The following CFAP299 variants were observed in gnomAD, a reference collection of about 807,000 sequenced individuals.
CFAP299 encodes the protein cilia and flagella associated protein 299.
CFAP299 carries 21 observed loss-of-function variants against 27.0 expected under a neutral mutation model. The ratio of observed to expected loss-of-function variants is 0.78; its 90% confidence interval spans 0.55 to 1.12. The LOEUF (loss-of-function observed/expected upper bound fraction) is 1.12, where lower values mean the gene tolerates loss of function less well. CFAP299 is among the 50% of genes most tolerant of loss of function. CFAP299 has a pLI of 0.00. For synonymous variants in CFAP299, 104 were observed against 98.1 expected (o/e 1.06, Z -0.36); for missense variants, 310 against 276.6 (o/e 1.12, Z -0.86).
At chr4:80,898,051 C>T (rs1252471341) in intron 4 of CFAP299, among the ~76,000 whole-genome samples, 4 of 152,236 alleles carry the variant, frequency 2.6e-5, no homozygotes, top group East Asian at 1.9e-4. Context: ...GTGCCCAGAA[C>T]CCCTGAAGCT....
intron 2 of CFAP299, among the ~76,000 whole-genome samples, chr4:80,418,349 T>C (rs1047151098): frequency 6.6e-6 from 1 of 151,938 alleles, no homozygotes; most frequent in Non-Finnish European, 1.5e-5. Flanking sequence ...TTTCTTTTTT[T>C]AAAAAAAAGT....
At chr4:80,746,320 TA>T (rs1724587354) in intron 3 of CFAP299, among the ~76,000 whole-genome samples, 1 of 152,094 alleles carries the variant, frequency 6.6e-6, no homozygotes, top group South Asian at 2.1e-4. Context: ...AGTAGCTTTT[TA>T]AAACTATTAT....
At chr4:80,400,885 A>C (rs182342278) in intron 2 of CFAP299, among the ~76,000 whole-genome samples, 6 of 152,344 alleles carry the variant, frequency 3.9e-5, no homozygotes, top group Non-Finnish European at 7.3e-5. Context: ...GCTGACAGTG[A>C]TATAGACAAT....
chr4:80,895,258 G>A (rs75287146), intron 4 of CFAP299, among the ~76,000 whole-genome samples: 7,324 of 151,706 alleles, frequency 0.048, 539 homozygotes, highest in African/African-American at 0.15. Flanking sequence ...ATCATTTCAC[G>A]TGTATACATA....
chr4:80,500,747 T>C (rs1477852869), intron 2 of CFAP299, among the ~76,000 whole-genome samples: 1 of 152,120 alleles, frequency 6.6e-6, no homozygotes, highest in African/African-American at 2.4e-5. Context: ...CAAGTCTGTT[T>C]CCGATGCTCA....
chr4:80,486,526 A>G (rs909352857), intron 2 of CFAP299, among the ~76,000 whole-genome samples: 3 of 152,184 alleles, frequency 2.0e-5, no homozygotes, highest in Non-Finnish European at 4.4e-5. Context: ...AAATAGCCCA[A>G]ACATTCTTCT....
chr4:80,595,279 T>C (rs1737004855), intron 3 of CFAP299, among the ~76,000 whole-genome samples: 1 of 139,416 alleles, frequency 7.2e-6, no homozygotes, highest in South Asian at 2.1e-4. Flanking sequence ...AGCACAGATA[T>C]ATTTCCCCCT....
chr4:80,771,993 G>C (rs920888764), intron 3 of CFAP299, among the ~76,000 whole-genome samples: 3 of 152,138 alleles, frequency 2.0e-5, no homozygotes, highest in African/African-American at 7.2e-5. Context: ...AGGACCACTA[G>C]CCATGACTGC....
At chr4:80,738,660 G>GT (rs1156571607) in intron 3 of CFAP299, among the ~76,000 whole-genome samples, 3 of 130,722 alleles carry the variant, frequency 2.3e-5, no homozygotes, top group South Asian at 5.1e-4. Context: ...AAATCATTGG[G>GT]TCTTTTTTTT....
intron 4 of CFAP299, among the ~76,000 whole-genome samples, chr4:80,940,182 G>T (rs751793662): frequency 2.0e-5 from 3 of 151,532 alleles, no homozygotes; most frequent in Non-Finnish European, 4.4e-5. Context: ...AAGCCACTTA[G>T]TAGGATATAT....
At chr4:80,445,682 AC>A (rs1728584605) in intron 2 of CFAP299, among the ~76,000 whole-genome samples, 1 of 152,184 alleles carries the variant, frequency 6.6e-6, no homozygotes. Flanking sequence ...TAAAAAAAAA[AC>A]ATTTAAAGTA....
At chr4:80,541,404 C>T (rs969883985) in intron 2 of CFAP299, among the ~76,000 whole-genome samples, 1 of 152,126 alleles carries the variant, frequency 6.6e-6, no homozygotes, top group African/African-American at 2.4e-5. Context: ...GTGTTAAAGA[C>T]CTATATATGC....
chr4:80,549,172 AACACAC>A (rs145823973), intron 2 of CFAP299, among the ~76,000 whole-genome samples: 1 of 151,150 alleles, frequency 6.6e-6, no homozygotes, highest in Non-Finnish European at 1.5e-5. Flanking sequence ...TCAAGAAAGT[AACACAC>A]ACACACACAC....
At chr4:80,581,451 G>GATATATATATAT (rs1736159127) in intron 2 of CFAP299, among the ~76,000 whole-genome samples, 2 of 15,474 alleles carry the variant, frequency 1.3e-4, no homozygotes, top group African/African-American at 2.7e-4. Context: ...GATATTAAGT[G>GATATATATATAT]AGATATATAT....
At chr4:80,860,478 A>C (rs944062667) in intron 3 of CFAP299, among the ~76,000 whole-genome samples, 2 of 152,146 alleles carry the variant, frequency 1.3e-5, no homozygotes, top group Non-Finnish European at 2.9e-5. Flanking sequence ...GAGGAGGAGA[A>C]GTGCTCTGCT....
intron 3 of CFAP299, among the ~76,000 whole-genome samples, chr4:80,845,565 C>G (rs1002962797): frequency 2.0e-5 from 3 of 152,116 alleles, no homozygotes; most frequent in African/African-American, 7.2e-5. Flanking sequence ...TGCCTTAGGG[C>G]CAGAGTACTT....
At chr4:80,673,917 T>A (rs1295105434) in intron 3 of CFAP299, among the ~76,000 whole-genome samples, 1 of 151,990 alleles carries the variant, frequency 6.6e-6, no homozygotes, top group Non-Finnish European at 1.5e-5. Context: ...TATGTGTGTC[T>A]TTGCACATGG....
At chr4:80,862,039 A>G (rs945140490) in intron 3 of CFAP299, among the ~76,000 whole-genome samples, 1 of 152,200 alleles carries the variant, frequency 6.6e-6, no homozygotes, top group Non-Finnish European at 1.5e-5. Flanking sequence ...GAGACAAGAT[A>G]TTCTTAAATT....
At chr4:80,785,580 C>T (rs1011074862) in intron 3 of CFAP299, among the ~76,000 whole-genome samples, 1 of 152,114 alleles carries the variant, frequency 6.6e-6, no homozygotes, top group Non-Finnish European at 1.5e-5. Context: ...TGGGATCTTG[C>T]ATAGATGATT....
Sources: allele counts gnomAD v4.1 joint callset (sites outside exome capture counted in the v4.1 genomes callset), GRCh38; gene constraint gnomAD v4.1.1; transcripts MANE v1.5; gene names NCBI Gene and HGNC (gene_info 2026-07-23, HGNC 2026-07-21).